The following SORCS2 variants were observed in gnomAD, a reference collection of about 807,000 sequenced individuals.
The protein encoded by SORCS2 is VPS10 domain-containing receptor SorCS2.
Under a neutral mutation model 141.6 loss-of-function variants are expected in SORCS2, and 100 were observed. The ratio of observed to expected loss-of-function variants is 0.71; its 90% CI spans 0.60 to 0.83. SORCS2 has a LOEUF of 0.83. Among genes scored for constraint, SORCS2 ranks in the 40% least tolerant of loss-of-function variants. The pLI is 0.00. For missense variants in SORCS2, 1,646 were observed against 1,560.2 expected, an observed-to-expected ratio of 1.05 and a Z score of -0.93; for synonymous variants, 789 against 676.9, an observed-to-expected ratio of 1.17 and a Z score of -2.57.
At chr4:7,674,497 C>T (rs113373542) in intron 8 of SORCS2, among the ~76,000 whole-genome samples, 3,289 of 146,368 alleles carry the variant, frequency 0.022, 130 homozygotes, top group African/African-American at 0.078. Context: ...GGTGTGAACC[C>T]GGGGGGGCAG....
At chr4:7,581,642 G>A (rs1180186590) in intron 3 of SORCS2, among the ~76,000 whole-genome samples, 1 of 152,120 alleles carries the variant, frequency 6.6e-6, no homozygotes, top group South Asian at 2.1e-4. Flanking sequence ...GAGCCCTCAC[G>A]CAGATTGGGT....
intron 3 of SORCS2, among the ~76,000 whole-genome samples, chr4:7,557,842 G>A (rs80117321): frequency 0.029 from 4,474 of 152,330 alleles, 85 homozygotes; most frequent in Middle Eastern, 0.048. Flanking sequence ...ATGCCGACGT[G>A]AAGAGTAGCC....
chr4:7,521,003 G>A (rs1311683636), intron 2 of SORCS2, among the ~76,000 whole-genome samples: 5 of 152,256 alleles, frequency 3.3e-5, no homozygotes, highest in Admixed American at 2.0e-4. Context: ...GAGCCACTGC[G>A]TGGCCCAACA....
At chr4:7,273,906 A>C (rs971993675) in intron 1 of SORCS2, among the ~76,000 whole-genome samples, 1 of 152,320 alleles carries the variant, frequency 6.6e-6, no homozygotes, top group South Asian at 2.1e-4. Flanking sequence ...TAAGTGGGTC[A>C]TGGTGTCCAG....
chr4:7,628,526 A>AAG (rs1359583483), intron 3 of SORCS2, among the ~76,000 whole-genome samples: 1 of 151,778 alleles, frequency 6.6e-6, no homozygotes, highest in Non-Finnish European at 1.5e-5. Context: ...CTCGAAAAAA[A>AAG]AAAAAAAGCT....
intron 1 of SORCS2, among the ~76,000 whole-genome samples, chr4:7,342,079 A>T (rs929108450): frequency 4.1e-4 from 62 of 152,280 alleles, no homozygotes; most frequent in African/African-American, 1.4e-3. Flanking sequence ...AATAGACCAC[A>T]TTTTGTGTAT....
intron 25 of SORCS2, among the ~76,000 whole-genome samples, chr4:7,735,748 T>C (rs924601545): frequency 6.6e-6 from 1 of 152,086 alleles, no homozygotes; most frequent in Non-Finnish European, 1.5e-5. Flanking sequence ...AGCATCTTCT[T>C]CCCCCAAAGC....
chr4:7,515,844 C>T (rs916480574), intron 2 of SORCS2, among the ~76,000 whole-genome samples: 4 of 152,092 alleles, frequency 2.6e-5, no homozygotes, highest in African/African-American at 9.7e-5. Context: ...GACCTCAGGG[C>T]CAGGAGACCT....
intron 3 of SORCS2, among the ~76,000 whole-genome samples, chr4:7,632,702 G>T (rs1719972472): frequency 6.6e-6 from 1 of 152,214 alleles, no homozygotes; most frequent in African/African-American, 2.4e-5. Flanking sequence ...CCCCGGCTGT[G>T]TGTGAATAAC....
chr4:7,661,450 C>T (rs376326836), intron 5 of SORCS2, 50 bp from the exon 6 acceptor site: 72 of 1,537,192 alleles, frequency 4.7e-5, no homozygotes, highest in Middle Eastern at 3.3e-4. Flanking sequence ...AGCTGGGGGA[C>T]GGGCATGGTG....
At chr4:7,638,553 G>A (rs1720423153) in intron 4 of SORCS2, 61 bp downstream of exon 4, 11 of 1,525,658 alleles carry the variant, frequency 7.2e-6, no homozygotes, top group Non-Finnish European at 9.6e-6. Flanking sequence ...GACCCACCTG[G>A]AGGTGAGTGC....
At chr4:7,401,356 T>G (rs1724583185) in intron 2 of SORCS2, among the ~76,000 whole-genome samples, 1 of 152,046 alleles carries the variant, frequency 6.6e-6, no homozygotes, top group African/African-American at 2.4e-5. Flanking sequence ...GACTGATGGA[T>G]GGACAGATGG....
Position 7,324,091 on chromosome 4 carries a change from C to G in SORCS2, c.481-72197C>G, listed in dbSNP as rs1423774865. 2.6e-5 allele frequency among the ~76,000 whole-genome samples: 4 copies of G among 152,302 alleles called. No individual in the cohort carries two copies. In the East Asian group the frequency reaches 7.7e-4, roughly 29 times the overall value. ...TTGCAGGCTTGGGGAGGAGGGTGCC[C>G]AGATCCCACAACCAGCAGGTGGCGG... is the stretch of plus-strand genomic sequence containing the variant. On this transcript the variant is annotated intron_variant, in intron 1 of 26. Coordinates refer to ENST00000507866, the MANE Select transcript of SORCS2 (RefSeq NM_020777.3).
chr4:7,412,623 G>T (rs1289508282), intron 2 of SORCS2, among the ~76,000 whole-genome samples: 1 of 152,074 alleles, frequency 6.6e-6, no homozygotes. Context: ...GTCTCTCAGG[G>T]TTGGTCCTCC....
intron 2 of SORCS2, chr4:7,431,944 G>C (rs1354925479): frequency 6.6e-6 from 1 of 152,294 alleles, no homozygotes; most frequent in Non-Finnish European, 1.5e-5. Context: ...TGAAATACCA[G>C]CTTCCACCCC....
At chr4:7,533,392 G>C (rs1199037949) in intron 3 of SORCS2, among the ~76,000 whole-genome samples, 1 of 152,204 alleles carries the variant, frequency 6.6e-6, no homozygotes, top group Non-Finnish European at 1.5e-5. Context: ...ACCCAGATGA[G>C]GGCCCACACT....
chr4:7,539,874 C>T (rs1238620655), intron 3 of SORCS2, among the ~76,000 whole-genome samples: 1 of 151,718 alleles, frequency 6.6e-6, no homozygotes, highest in Non-Finnish European at 1.5e-5. Flanking sequence ...AAGCCCCATC[C>T]CCTCCCTGCT....
At chr4:7,469,631 C>A (rs556794896) in intron 2 of SORCS2, among the ~76,000 whole-genome samples, 1 of 152,320 alleles carries the variant, frequency 6.6e-6, no homozygotes, top group South Asian at 2.1e-4. Flanking sequence ...GTCCTAGCTG[C>A]ACATGAGTCT....
At chr4:7,727,090 T>C (rs906614046) in intron 21 of SORCS2, among the ~76,000 whole-genome samples, 187 bp downstream of exon 21, 32 of 152,180 alleles carry the variant, frequency 2.1e-4, no homozygotes, top group Admixed American at 2.6e-4. Flanking sequence ...TCTCCCGGTC[T>C]CTCTGGCCTC....
Sources: gnomAD v4.1 joint callset for allele counts (sites outside exome capture counted in the v4.1 genomes callset) on GRCh38, gnomAD v4.1.1 for gene constraint, MANE v1.5 for transcripts, NCBI Gene and HGNC (gene_info 2026-07-23, HGNC 2026-07-21) for gene names.